GPNMB: variants seen among roughly 807,000 people sequenced by gnomAD.
GPNMB encodes glycoprotein nmb.
Under a neutral mutation model 57.3 loss-of-function variants are expected in GPNMB, and 71 were observed. The observed-to-expected ratio is 1.24, with a 90% confidence interval of 1.02 to 1.51. GPNMB has a LOEUF of 1.51. Among genes scored for constraint, GPNMB ranks in the 40% most tolerant of loss-of-function variants. The pLI is 0.00. For missense variants in GPNMB, 677 were observed against 691.9 expected (o/e 0.98, Z 0.24); for synonymous variants, 253 against 263.2 (o/e 0.96, Z 0.38).
intron 1 of GPNMB, among the ~76,000 whole-genome samples, chr7:23,251,679 A>G (rs1782665557): frequency 6.6e-6 from 1 of 152,154 alleles, no homozygotes; most frequent in Non-Finnish European, 1.5e-5. Flanking sequence ...ACCATCTCCA[A>G]AATCAATTCT....
chr7:23,248,525 G>C (rs1257982975), intron 1 of GPNMB, among the ~76,000 whole-genome samples: 2 of 152,206 alleles, frequency 1.3e-5, no homozygotes, highest in African/African-American at 4.8e-5. Context: ...GAATGTAGCA[G>C]TGTATCAAGC....
At position 23,254,288 on chromosome 7, in the gene GPNMB, G is replaced by A; in HGVS notation, c.343G>A (p.Val115Ile). The A allele has an allele frequency of 2.5e-6, 4 of 1,613,486 alleles. No homozygotes were observed. The South Asian group carries it at 3.3e-5, about 13-fold the overall frequency. ...AAAGGAAGATGCCAATGGCAACATA[G>A]TCTATGAGAAGAACTGCAGAAATGG... ...CQKEDANGNI[V>I]YEKNCRNEAG... The change falls in exon 3 of 11, where the codon GTC (valine) becomes ATC (isoleucine). Residue 115 changes from valine (V) to isoleucine (I), a missense_variant. Physicochemically the swap from Val to Ile is conservative, Grantham distance 29. Transcript: ENST00000258733.
intron 6 of GPNMB, among the ~76,000 whole-genome samples, chr7:23,262,225 T>A (rs1782942730): frequency 1.3e-5 from 2 of 152,234 alleles, no homozygotes; most frequent in Non-Finnish European, 2.9e-5. Context: ...ATCTCAAAAA[T>A]GTTTTAAATT....
chr7:23,268,678 G>A lies in GPNMB; in HGVS notation c.1220+690G>A, dbSNP rs138968295. 3.9e-3 allele frequency among the ~76,000 whole-genome samples: 590 copies of A among 151,864 alleles called. 9 individuals carry two copies. The highest frequency in any genetic ancestry group is 0.014 in the African/African-American group (569 of 41,354). On this transcript the variant is annotated intron_variant, in intron 8 of 10. Transcript: ENST00000258733. ...TGTGTGTAGATACATAAATTAATCA[G>A]GAGAATGAAGTGGTATGAAGATGTG...
At position 23,266,525 on chromosome 7, in the gene GPNMB, G is replaced by T; in HGVS notation, c.1027G>T (p.Gly343Cys). The T allele has an allele frequency of 6.2e-7, 1 of 1,613,138 alleles. No individual in the cohort carries two copies. Among genetic ancestry groups the T allele is most frequent in the Non-Finnish European group, 8.5e-7 (1 of 1,179,124 alleles). Residue 343 changes from glycine to cysteine, a missense_variant, in exon 7 of 11, where the codon GGT becomes TGT. Physicochemically the swap from Gly to Cys is radical, Grantham distance 159. Transcript: ENST00000258733. ...SKPTPSLGPA[G>C]DNPLELSRIP... ...TGATTCAAACACCCCAGGACCTGCTGGTGACAACCCCCTGGAGCTGAGTAG... is the reference window on the plus strand; with the variant it reads ...TGATTCAAACACCCCAGGACCTGCTTGTGACAACCCCCTGGAGCTGAGTAG...
At chr7:23,249,272 C>T (rs575851565) in intron 1 of GPNMB, among the ~76,000 whole-genome samples, 7 of 152,288 alleles carry the variant, frequency 4.6e-5, no homozygotes, top group South Asian at 2.1e-4. Flanking sequence ...GATTCACATA[C>T]TGTTGTAAGA....
chr7:23,256,795 TG>T (rs1782788667), intron 3 of GPNMB, 96 bp from the exon 4 acceptor site: 4 of 947,548 alleles, frequency 4.2e-6, no homozygotes, highest in Non-Finnish European at 4.9e-6. Flanking sequence ...AAACTAGTTA[TG>T]AAAAAAATAC....
Position 23,254,194 on chromosome 7 carries a change from C to T in GPNMB, c.249C>T (p.Thr83=), listed in dbSNP as rs551095019. The T allele has an allele frequency of 6.2e-7, 1 of 1,614,052 alleles. No homozygotes were observed. Among genetic ancestry groups the T allele is most frequent in the South Asian group, 1.1e-5 (1 of 91,034 alleles). ...WKGGRVQAVL[T]SDSPALVGSN... is the part of the protein sequence containing the mutation. The stretch of plus-strand genomic sequence containing the variant: ...GAGGCCGTGTGCAGGCGGTCCTGAC[C>T]AGTGACTCACCAGCCCTCGTGGGCT... The change falls in exon 3 of 11, where the codon ACC becomes ACT. Residue 83 remains threonine (T), a synonymous_variant. Transcript: ENST00000258733.
Position 23,249,663 on chromosome 7 carries a change from G to T in GPNMB, c.70+2736G>T, listed in dbSNP as rs886622148. Among the ~76,000 whole-genome samples, 3 of 152,168 alleles carry T rather than the reference G, an allele frequency of 2.0e-5. No homozygotes were observed. In the East Asian group the frequency reaches 5.8e-4, roughly 29 times the overall value. Reference sequence around the variant, plus strand: ...GTTTGTTCCTCTTTGTCACAGAGTAGTATTCCATGGTATGGATGTACCACA... The same window carrying T: ...GTTTGTTCCTCTTTGTCACAGAGTATTATTCCATGGTATGGATGTACCACA... On this transcript the variant is annotated intron_variant, in intron 1 of 10. Transcript: ENST00000258733.
In GPNMB at chr7:23,274,865, T is replaced by G. The variant is rs1783299578; in HGVS notation, c.*641T>G. 1 of 152,214 alleles carries G rather than the reference T, an allele frequency of 6.6e-6. No homozygotes were observed. Among genetic ancestry groups the G allele is most frequent in the South Asian group, 2.1e-4 (1 of 4,836 alleles). 9.4% of individuals were successfully genotyped at this position (152,214 alleles called of 1,614,324 possible). On this transcript the variant is annotated 3_prime_UTR_variant, in exon 11 of 11. Transcript: ENST00000258733. Reference sequence around the variant, plus strand: ...ATTTATTCCATGGACATTTAGTTAGTGCTTTTTATATACCAGGCATGATGC... The same window carrying G: ...ATTTATTCCATGGACATTTAGTTAGGGCTTTTTATATACCAGGCATGATGC...
intron 1 of GPNMB, among the ~76,000 whole-genome samples, chr7:23,251,918 G>T (rs113194611): frequency 6.6e-6 from 1 of 152,104 alleles, no homozygotes. Flanking sequence ...GCGTGCAGGC[G>T]GGAAACAGCT....
chr7:23,274,041 A>G (rs1247635324), intron 10 of GPNMB, 24 bp from the exon 11 acceptor site: 4 of 1,560,676 alleles, frequency 2.6e-6, no homozygotes, highest in Non-Finnish European at 3.5e-6. Context: ...TTTTAAAAAT[A>G]ACTAACCAAC....
At position 23,260,469 on chromosome 7, in the gene GPNMB, G is replaced by A. The variant is rs1219699185; in HGVS notation, c.714G>A (p.Val238=). ...TGTATCTTTTAGATCAGATTCCTGT[G>A]TTTGTGACTATGTTCCAGAAGAACG... The part of the protein sequence containing the change: ...DVYVVTDQIP[V]FVTMFQKNDR... Residue 238 remains valine, a synonymous_variant, in exon 6 of 11, where the codon GTG becomes GTA. Coordinates refer to ENST00000258733, the MANE Select transcript of GPNMB (RefSeq NM_002510.3). 2 of 1,611,214 alleles carry A rather than the reference G, an allele frequency of 1.2e-6. No individual in the cohort carries two copies. Among genetic ancestry groups the A allele is most frequent in the Non-Finnish European group, 1.7e-6 (2 of 1,178,066 alleles).
At chr7:23,268,080 G>GTTGATTTGAATTCCTA (rs543852109) in intron 8 of GPNMB, 92 bp downstream of exon 8, 7 of 781,730 alleles carry the variant, frequency 9.0e-6, no homozygotes, top group Non-Finnish European at 1.6e-5. Context: ...CCCCTTTTAA[G>GTTGATTTGAATTCCTA]TTGATTTGAA....
At chr7:23,257,098 T>C (rs574733497) in intron 4 of GPNMB, 33 bp downstream of exon 4, 62 of 1,569,886 alleles carry the variant, frequency 3.9e-5, no homozygotes, top group Non-Finnish European at 5.4e-5. Flanking sequence ...GCTTCTTCTT[T>C]ACCTTTCCTT....
At chr7:23,263,246 A>C (rs1278166349) in intron 6 of GPNMB, among the ~76,000 whole-genome samples, 1 of 152,204 alleles carries the variant, frequency 6.6e-6, no homozygotes, top group African/African-American at 2.4e-5. Context: ...CATGTTTTAA[A>C]AATATATTTG....
Position 23,273,563 on chromosome 7 carries a change from C to T in GPNMB, c.1472C>T (p.Ser491Phe). The T allele has an allele frequency of 6.2e-7, 1 of 1,614,072 alleles. No individual in the cohort carries two copies. Among genetic ancestry groups the T allele is most frequent in the Non-Finnish European group, 8.5e-7 (1 of 1,179,908 alleles). The change falls in exon 10 of 11, where the codon TCC (serine) becomes TTC (phenylalanine). Residue 491 changes from serine to phenylalanine, a missense_variant. Ser to Phe is a radical substitution (Grantham distance 155). Coordinates refer to ENST00000258733, the MANE Select transcript of GPNMB (RefSeq NM_002510.3). ...AGGATGGCAAACAGTGCCCTGATCT[C>T]CGTTGGCTGCTTGGCCATATTTGTC... ...PLRMANSALI[S>F]VGCLAIFVTV...
chr7:23,272,846 C>CTGTTTTTTTTTTT (rs1783242309), intron 9 of GPNMB, among the ~76,000 whole-genome samples: 1 of 139,636 alleles, frequency 7.2e-6, no homozygotes, highest in African/African-American at 2.7e-5. Context: ...AGGTGGTGAT[C>CTGTTTTTTTTTTT]TTTTTTTTTT....
chr7:23,253,497 C>T, intron 2 of GPNMB, 38 bp downstream of exon 2: 2 of 1,571,002 alleles, frequency 1.3e-6, no homozygotes, highest in Non-Finnish European at 1.7e-6. Context: ...CTGCAATTTC[C>T]TACTTCAGTA....
Sources: allele counts gnomAD v4.1 joint callset (sites outside exome capture counted in the v4.1 genomes callset), GRCh38; gene constraint gnomAD v4.1.1; transcripts MANE v1.5; gene names NCBI Gene and HGNC (gene_info 2026-07-23, HGNC 2026-07-21).